MKLN1: variants seen among roughly 807,000 people sequenced by gnomAD.
MKLN1 encodes muskelin.
Under a neutral mutation model 99.0 loss-of-function variants are expected in MKLN1, and 18 were observed. The ratio of observed to expected loss-of-function variants is 0.18; its 90% CI spans 0.13 to 0.27. The LOEUF is 0.27. Among genes scored for constraint, MKLN1 ranks in the 10% least tolerant of loss-of-function variants. MKLN1 has a pLI of 1.00. For missense variants in MKLN1, 621 were observed against 875.9 expected, an observed-to-expected ratio of 0.71 and a Z score of 3.67; for synonymous variants, 288 against 293.2, an observed-to-expected ratio of 0.98 and a Z score of 0.18.
chr7:131,319,173 G>C (rs1798724936), intron 3 of MKLN1, among the ~76,000 whole-genome samples: 1 of 152,210 alleles, frequency 6.6e-6, no homozygotes, highest in African/African-American at 2.4e-5. Context: ...TATCCCTGAT[G>C]AACATCGATG....
At chr7:131,254,294 G>A (rs1797625294) in intron 3 of MKLN1, among the ~76,000 whole-genome samples, 1 of 152,128 alleles carries the variant, frequency 6.6e-6, no homozygotes, top group African/African-American at 2.4e-5. Context: ...AACAAAAACA[G>A]TAAGTCCTGG....
chr7:131,466,332 A>G lies in MKLN1; in HGVS notation c.1845A>G (p.Leu615=). ...PGKSCSPKMR[L]DDFWSLKLCR... ...AATCTTGCTCTCCAAAGATGAGATT[A>G]GATGACTTCTGGTCACTGAAGTTGT... The change falls in exon 15 of 18, where the codon TTA becomes TTG. Residue 615 remains leucine, a synonymous_variant. Coordinates refer to ENST00000352689, the MANE Select transcript of MKLN1 (RefSeq NM_013255.5). 2 of 1,608,454 alleles carry G rather than the reference A, an allele frequency of 1.2e-6. No homozygotes were observed. The highest frequency in any genetic ancestry group is 8.5e-7 in the Non-Finnish European group (1 of 1,176,086).
intron 3 of MKLN1, among the ~76,000 whole-genome samples, chr7:131,273,805 C>A (rs1167819158): frequency 6.6e-6 from 1 of 151,760 alleles, no homozygotes; most frequent in Non-Finnish European, 1.5e-5. Context: ...TTATGGGCAA[C>A]ATAGCGAGAT....
chr7:131,214,575 G>T (rs1401427042), intron 3 of MKLN1, among the ~76,000 whole-genome samples: 1 of 152,172 alleles, frequency 6.6e-6, no homozygotes, highest in Non-Finnish European at 1.5e-5. Flanking sequence ...CTGTGCTGTT[G>T]AAGTAACCAA....
intron 2 of MKLN1, among the ~76,000 whole-genome samples, chr7:131,377,605 A>G (rs1394890021): frequency 6.6e-6 from 1 of 152,192 alleles, no homozygotes; most frequent in Non-Finnish European, 1.5e-5. Context: ...TTCAGTGATC[A>G]TAACTGAAAC....
intron 8 of MKLN1, among the ~76,000 whole-genome samples, chr7:131,424,552 A>G (rs1288533051): frequency 1.3e-5 from 2 of 152,232 alleles, no homozygotes; most frequent in African/African-American, 4.8e-5. Flanking sequence ...AGATGTCTTT[A>G]TATACCTTAC....
Position 131,317,235 on chromosome 7 carries a change from C to T in MKLN1, c.-178-58189C>T, listed in dbSNP as rs190782192. 3.9e-5 allele frequency among the ~76,000 whole-genome samples: 6 copies of T among 152,230 alleles called. No individual in the cohort carries two copies. The East Asian group carries it at 5.8e-4, about 15-fold the overall frequency. ...TTCAGGTAACCTACAAAGGGAAGCC[C>T]GTCAGACTAACAGCAGATCTCTCTG... On this transcript the variant is annotated intron_variant, in intron 3 of 7. Transcript: ENST00000416992.
Position 131,257,070 on chromosome 7 carries a change from T to C in MKLN1, c.-179+54096T>C, listed in dbSNP as rs1264593396. ...AAAGACATAAAATCGTATTAAGTAA[T>C]AATTATAACAATGTATTGTTGGGCT... On this transcript the variant is annotated intron_variant, in intron 3 of 7. Coordinates refer to the MKLN1 transcript ENST00000416992. 2.0e-5 allele frequency among the ~76,000 whole-genome samples: 3 copies of C among 152,216 alleles called. No homozygotes were observed. In the East Asian group the frequency reaches 5.8e-4, roughly 29 times the overall value.
At chr7:131,461,657 T>A (rs1220790934) in intron 12 of MKLN1, among the ~76,000 whole-genome samples, 1 of 152,204 alleles carries the variant, frequency 6.6e-6, no homozygotes, top group South Asian at 2.1e-4. Flanking sequence ...TCTCCTGCAA[T>A]ACATAGTATT....
chr7:131,295,199 G>A lies in MKLN1; in HGVS notation c.-178-80225G>A, dbSNP rs899316830. On this transcript the variant is annotated intron_variant, in intron 3 of 7. Transcript: ENST00000416992. The stretch of plus-strand genomic sequence containing the variant: ...TTTTATTTTATTTTGTAAAGACAGA[G>A]TGTCACTATGTTGCCCAGGCTGGTC... Among the ~76,000 whole-genome samples, 9 of 151,906 alleles carry A rather than the reference G, an allele frequency of 5.9e-5. 1 individual carries two copies. Among genetic ancestry groups the A allele is most frequent in the South Asian group, 4.1e-4 (2 of 4,820 alleles).
chr7:131,131,664 T>C (rs562211172), intron 1 of MKLN1, among the ~76,000 whole-genome samples: 38 of 152,302 alleles, frequency 2.5e-4, no homozygotes, highest in Non-Finnish European at 4.7e-4. Context: ...TCAGAAGCCA[T>C]ATGCTTAACT....
chr7:131,192,202 AC>A lies in MKLN1; in HGVS notation c.-296-10654del, dbSNP rs1237286162. Among the ~76,000 whole-genome samples, 25 of 74,380 alleles carry A rather than the reference AC, an allele frequency of 3.4e-4. 6 individuals are homozygous for A. The highest frequency in any genetic ancestry group is 1.4e-3 in the African/African-American group (23 of 15,918). 48.8% of individuals were successfully genotyped at this position (74,380 alleles called of 152,430 possible). Reference sequence around the variant, plus strand: ...TAAAAATATATAAAATATAATATATACAATATATAAATATATAAAATATATA... The same window carrying A: ...TAAAAATATATAAAATATAATATATAAATATATAAATATATAAAATATATA... On this transcript the variant is annotated intron_variant, in intron 2 of 7. Coordinates refer to the MKLN1 transcript ENST00000416992.
chr7:131,147,126 T>G, intron 2 of MKLN1, among the ~76,000 whole-genome samples: 1 of 151,996 alleles, frequency 6.6e-6, no homozygotes, highest in East Asian at 1.9e-4. Context: ...TGGCACAGTC[T>G]CAGCAACCTT....
intron 1 of MKLN1, among the ~76,000 whole-genome samples, chr7:131,368,642 A>T (rs372511169): frequency 3.9e-5 from 6 of 152,040 alleles, no homozygotes; most frequent in African/African-American, 1.4e-4. Context: ...GCATGGGGGA[A>T]ATTCGCCCCC....
At chr7:131,483,365 C>G (rs1797179297) in intron 17 of MKLN1, among the ~76,000 whole-genome samples, 1 of 152,186 alleles carries the variant, frequency 6.6e-6, no homozygotes, top group African/African-American at 2.4e-5. Context: ...TCTTTACACA[C>G]ACACAACCAT....
At chr7:131,138,107 T>G (rs1795679074) in intron 1 of MKLN1, among the ~76,000 whole-genome samples, 1 of 151,922 alleles carries the variant, frequency 6.6e-6, no homozygotes, top group South Asian at 2.1e-4. Flanking sequence ...GTATTTTTAG[T>G]AGAGACAAGG....
At position 131,487,890 on chromosome 7, in the gene MKLN1, T is replaced by C. The variant is rs531161025; in HGVS notation, c.*162T>C. ...AGTTTTTACCCTCTTCCTTCATGCC[T>C]GACCTCAACCCCGCTCTCCTCATCC... On this transcript the variant is annotated 3_prime_UTR_variant, in exon 18 of 18. Transcript: ENST00000352689. This position sits in a 1 kb window ranked among gnomAD's most constrained non-coding sequence, Gnocchi z 4.7. The C allele has an allele frequency of 9.3e-4, 635 of 682,418 alleles. 2 individuals are homozygous for C. Among genetic ancestry groups the C allele is most frequent in the Middle Eastern group, 4.1e-3 (14 of 3,396 alleles). The allele number at this position is 682,418 out of a possible 1,614,324, so 42.3% of individuals were successfully genotyped here.
chr7:131,409,659 G>T (rs991182724), intron 6 of MKLN1, among the ~76,000 whole-genome samples: 1 of 152,098 alleles, frequency 6.6e-6, no homozygotes, highest in Admixed American at 6.6e-5. Flanking sequence ...TATATAAATC[G>T]CAGAAAACAG....
intron 1 of MKLN1, among the ~76,000 whole-genome samples, chr7:131,364,995 C>G (rs887124920): frequency 1.3e-5 from 2 of 152,138 alleles, no homozygotes; most frequent in Admixed American, 1.3e-4. Flanking sequence ...AATGGGATTG[C>G]TGGGTTGAAT....
Sources: gnomAD v4.1 joint callset for allele counts (sites outside exome capture counted in the v4.1 genomes callset) on GRCh38, gnomAD v4.1.1 for gene constraint, Gnocchi (gnomAD v3.1) non-coding constraint, MANE v1.5 for transcripts, NCBI Gene and HGNC (gene_info 2026-07-23, HGNC 2026-07-21) for gene names.